The following SLC2A2 variants were observed in gnomAD, a reference collection of about 807,000 sequenced individuals.
SLC2A2 encodes the protein solute carrier family 2, facilitated glucose transporter member 2.
Under a neutral mutation model 54.5 loss-of-function variants are expected in SLC2A2, and 36 were observed. The observed-to-expected ratio is 0.66, with a 90% confidence interval of 0.51 to 0.87. The LOEUF (loss-of-function observed/expected upper bound fraction) is 0.87. SLC2A2 is among the 40% of genes least tolerant of loss of function. SLC2A2 has a pLI of 0.00. For missense variants in SLC2A2, 543 were observed against 624.3 expected (o/e 0.87, Z 1.39); for synonymous variants, 223 against 219.1 (o/e 1.02, Z -0.16).
Position 171,006,047 on chromosome 3 carries a change from A to G in SLC2A2, c.671T>C (p.Leu224Pro), listed in dbSNP as rs1413841367. 6.2e-7 allele frequency: 1 copy of G among 1,612,718 alleles called. No individual in the cohort carries two copies. Among genetic ancestry groups the G allele is most frequent in the South Asian group, 1.1e-5 (1 of 91,046 alleles). ...NYDLWHILLGLSGVRAILQSL... is the reference protein window; with the variant it reads ...NYDLWHILLGPSGVRAILQSL... ...CTGAAGGATGGCTCGCACACCAGACAGGCCAAGCAGGATGTGCCACAGATC... is the reference window on the plus strand; with the variant it reads ...CTGAAGGATGGCTCGCACACCAGACGGGCCAAGCAGGATGTGCCACAGATC... The change falls in exon 6 of 11, where the codon CTG becomes CCG. Residue 224 changes from leucine to proline, a missense_variant. Around this residue, in one of 3 missense-constraint regions of SLC2A2, gnomAD observed 318 missense variants for 343.8 expected, o/e 0.93. Transcript: ENST00000314251.
chr3:171,005,205 G>T, intron 7 of SLC2A2, 80 bp downstream of exon 7: 1 of 1,132,998 alleles, frequency 8.8e-7, no homozygotes, highest in Non-Finnish European at 1.3e-6. Context: ...ATATCTTTTA[G>T]CTATTTAAAC....
chr3:171,010,603 T>C (rs1396084195), intron 3 of SLC2A2, among the ~76,000 whole-genome samples: 1 of 152,152 alleles, frequency 6.6e-6, no homozygotes, highest in African/African-American at 2.4e-5. Flanking sequence ...ACTTTTTTTT[T>C]CTTTCAATGG....
chr3:171,005,218 G>A, intron 7 of SLC2A2, 67 bp downstream of exon 7: 2 of 1,325,468 alleles, frequency 1.5e-6, no homozygotes, highest in Non-Finnish European at 2.2e-6. Flanking sequence ...ATTTAAACTT[G>A]TACCCCTTGC....
intron 4 of SLC2A2, among the ~76,000 whole-genome samples, chr3:171,009,343 C>G (rs866740682): frequency 6.6e-6 from 1 of 152,054 alleles, no homozygotes; most frequent in South Asian, 2.1e-4. Context: ...CTCTCTGATT[C>G]ACTTTCCCTA....
At chr3:171,001,127 G>C (rs1302093355) in intron 8 of SLC2A2, among the ~76,000 whole-genome samples, 1 of 151,944 alleles carries the variant, frequency 6.6e-6, no homozygotes, top group Non-Finnish European at 1.5e-5. Flanking sequence ...GTGGGGTTGG[G>C]AGCAGGGTGC....
At chr3:171,026,368 C>CTTTTTT (rs58089695) in intron 1 of SLC2A2, among the ~76,000 whole-genome samples, 5 of 117,538 alleles carry the variant, frequency 4.3e-5, no homozygotes, top group Admixed American at 2.7e-4. Context: ...AATCTGCCCC[C>CTTTTTT]TTTTTTTTTT....
chr3:171,010,086 A>G lies in SLC2A2; in HGVS notation c.372-4T>C, dbSNP rs769607196. On this transcript the variant is annotated splice_region_variant and splice_polypyrimidine_tract_variant and intron_variant, in intron 3 of 10. Transcript: ENST00000314251. Reference sequence around the variant, plus strand: ...TGCTACTAACATGGCTTTGATTCTGAAATTTTAAAAAGCAAGGAATATAAA... The same window carrying G: ...TGCTACTAACATGGCTTTGATTCTGGAATTTTAAAAAGCAAGGAATATAAA... 11 of 1,612,370 alleles carry G rather than the reference A, an allele frequency of 6.8e-6. No homozygotes were observed. Among genetic ancestry groups the G allele is most frequent in the Non-Finnish European group, 9.3e-6 (11 of 1,178,836 alleles).
intron 3 of SLC2A2, among the ~76,000 whole-genome samples, chr3:171,012,916 C>T (rs1715959618): frequency 6.6e-6 from 1 of 152,054 alleles, no homozygotes. Context: ...GATGCCAAAT[C>T]CTAAGACTTC....
At position 170,997,556 on chromosome 3, in the gene SLC2A2, C is replaced by A; in HGVS notation, c.*347G>T. 4.6e-6 allele frequency: 1 copy of A among 215,632 alleles called. No individual in the cohort carries two copies. Among genetic ancestry groups the A allele is most frequent in the Admixed American group, 5.4e-5 (1 of 18,634 alleles). The allele number at this position is 215,632 out of a possible 1,614,324, so 13.4% of individuals were successfully genotyped here. A position where few individuals can be genotyped will look rare whatever the true frequency, so the allele number is the denominator to read the frequency against. On this transcript the variant is annotated 3_prime_UTR_variant, in exon 11 of 11. Coordinates refer to ENST00000314251, the MANE Select transcript of SLC2A2 (RefSeq NM_000340.2). ...CAAATATATAAATATTTGTTGCATC[C>A]TCAGGTTTCTAGTTATGTGTTAAAA...
rs1715150915 is a variant in SLC2A2 at position 170,997,819 on chromosome 3, A to T, written c.*84T>A. ...AATAAAACAATACTTAAAGATGTGG[A>T]TATAAAATGCTCAAGGAATCATCAT... is the stretch of plus-strand genomic sequence containing the variant. On this transcript the variant is annotated 3_prime_UTR_variant, in exon 11 of 11. Coordinates refer to ENST00000314251, the MANE Select transcript of SLC2A2 (RefSeq NM_000340.2). 1 of 1,045,414 alleles carries T rather than the reference A, an allele frequency of 9.6e-7. No homozygotes were observed. The highest frequency in any genetic ancestry group is 1.5e-6 in the Non-Finnish European group (1 of 676,864). 64.8% of individuals were successfully genotyped at this position (1,045,414 alleles called of 1,614,324 possible). A position where few individuals can be genotyped will look rare whatever the true frequency, so the allele number is the denominator to read the frequency against.
At chr3:171,023,527 A>T (rs529252947) in intron 1 of SLC2A2, among the ~76,000 whole-genome samples, 3 of 152,148 alleles carry the variant, frequency 2.0e-5, no homozygotes, top group South Asian at 4.1e-4. Context: ...GAAATTTCTG[A>T]ACACGACCAA....
At chr3:171,023,265 A>T (rs1716544604) in intron 1 of SLC2A2, among the ~76,000 whole-genome samples, 1 of 152,164 alleles carries the variant, frequency 6.6e-6, no homozygotes, top group South Asian at 2.1e-4. Context: ...ATTTCTGAGA[A>T]TTTCCAACAA....
intron 1 of SLC2A2, among the ~76,000 whole-genome samples, chr3:171,026,126 G>C (rs1290893569): frequency 6.6e-6 from 1 of 152,112 alleles, no homozygotes; most frequent in Non-Finnish European, 1.5e-5. Context: ...GTGTGAAATT[G>C]ATACAGTAAT....
At chr3:171,023,836 C>G (rs1047519343) in intron 1 of SLC2A2, among the ~76,000 whole-genome samples, 4 of 152,152 alleles carry the variant, frequency 2.6e-5, no homozygotes, top group African/African-American at 9.7e-5. Flanking sequence ...TCCTCATAGG[C>G]TATAAGGTGT....
At chr3:171,026,373 T>TCC (rs1560044859) in intron 1 of SLC2A2, among the ~76,000 whole-genome samples, 8 of 150,356 alleles carry the variant, frequency 5.3e-5, no homozygotes, top group African/African-American at 1.7e-4. Flanking sequence ...GCCCCCTTTT[T>TCC]TTTTTTTTTT....
intron 1 of SLC2A2, among the ~76,000 whole-genome samples, chr3:171,025,747 A>G (rs1716657610): frequency 6.6e-6 from 1 of 152,202 alleles, no homozygotes; most frequent in African/African-American, 2.4e-5. Context: ...GAGACCCTAC[A>G]GGGCACAGAT....
chr3:170,998,580 T>C (rs1035119926), intron 9 of SLC2A2, among the ~76,000 whole-genome samples, 184 bp from the exon 10 acceptor site: 1 of 152,176 alleles, frequency 6.6e-6, no homozygotes, highest in Non-Finnish European at 1.5e-5. Flanking sequence ...ACTCTTTAGA[T>C]TTCTTATAAG....
At chr3:171,009,858 A>G in intron 4 of SLC2A2, 100 bp downstream of exon 4, 1 of 1,486,718 alleles carries the variant, frequency 6.7e-7, no homozygotes, top group South Asian at 1.2e-5. Flanking sequence ...TAGACTCAAA[A>G]ATATCCCTGA....
chr3:171,005,610 G>T, intron 6 of SLC2A2, 138 bp from the exon 7 acceptor site: 1 of 714,280 alleles, frequency 1.4e-6, no homozygotes, highest in Non-Finnish European at 2.3e-6. Flanking sequence ...TTCTTTTTTT[G>T]TTAAATTAGA....
Sources: gnomAD v4.1 joint callset for allele counts (sites outside exome capture counted in the v4.1 genomes callset) on GRCh38, gnomAD v4.1.1 for gene constraint, gnomAD v4.1.1 regional missense constraint, MANE v1.5 for transcripts, NCBI Gene and HGNC (gene_info 2026-07-23, HGNC 2026-07-21) for gene names.